RTTN: variants seen among roughly 807,000 people sequenced by gnomAD.
RTTN encodes the protein rotatin.
In RTTN, 182 loss-of-function variants were observed where a neutral mutation model predicts 269.2. The ratio of observed to expected loss-of-function variants is 0.68; its 90% confidence interval spans 0.60 to 0.76. The LOEUF is 0.76. RTTN is among the 30% of genes least tolerant of loss of function. RTTN has a pLI of 0.00. For synonymous variants in RTTN, 1,006 were observed against 963.5 expected (o/e 1.04, Z -0.82); for missense variants, 2,545 against 2,608.6 (o/e 0.98, Z 0.53).
chr18:70,076,503 G>T (rs1238864010), intron 32 of RTTN, among the ~76,000 whole-genome samples: 2 of 151,986 alleles, frequency 1.3e-5, no homozygotes, highest in African/African-American at 4.8e-5. Context: ...GAATTCACAA[G>T]TTAAAGGCAC....
Position 70,196,621 on chromosome 18 carries a change from A to C in RTTN, c.721T>G (p.Phe241Val). 7.6e-7 allele frequency: 1 copy of C among 1,322,214 alleles called. No homozygotes were observed. The allele number at this position is 1,322,214 out of a possible 1,614,324, so 81.9% of individuals were successfully genotyped here. A position where few individuals can be genotyped will look rare whatever the true frequency, so the allele number is the denominator to read the frequency against. Residue 241 changes from phenylalanine (F) to valine (V), a missense_variant, in exon 7 of 49, where the codon TTT becomes GTT. Transcript: ENST00000640769. Reference protein sequence around the residue: ...QSLLSLLKLAFGDGKHRLALQ... With the variant: ...QSLLSLLKLAVGDGKHRLALQ... ...GCCAGGCGATGCTTTCCATCTCCAA[A>C]GGCCAGTTTCAACAGAGATAAAAGG...
At chr18:70,192,793 T>TA (rs761789832) in intron 8 of RTTN, among the ~76,000 whole-genome samples, 5 of 152,310 alleles carry the variant, frequency 3.3e-5, no homozygotes, top group African/African-American at 4.8e-5. Context: ...AGTAAACACT[T>TA]ATCCATTTGT....
intron 14 of RTTN, among the ~76,000 whole-genome samples, chr18:70,151,194 A>G (rs1187501081): frequency 1.4e-5 from 2 of 148,030 alleles, no homozygotes; most frequent in African/African-American, 4.9e-5. Context: ...TACATATTTT[A>G]TATATAATAT....
intron 14 of RTTN, among the ~76,000 whole-genome samples, chr18:70,165,735 C>T (rs2060967683): frequency 6.6e-6 from 1 of 150,766 alleles, no homozygotes; most frequent in Non-Finnish European, 1.5e-5. Flanking sequence ...AAATCTAGGC[C>T]ACAACAACCT....
intron 27 of RTTN, among the ~76,000 whole-genome samples, 171 bp downstream of exon 27, chr18:70,114,274 T>C (rs2059547480): frequency 6.6e-6 from 1 of 152,152 alleles, no homozygotes; most frequent in African/African-American, 2.4e-5. Flanking sequence ...AATCAGGCTG[T>C]AACAGATTAA....
At chr18:70,196,743 A>G in intron 6 of RTTN, 95 bp from the exon 7 acceptor site, 1 of 1,226,272 alleles carries the variant, frequency 8.2e-7, no homozygotes, top group Non-Finnish European at 1.2e-6. Context: ...CTAAGTGAAT[A>G]ATCAAGAGAA....
At chr18:70,036,514 A>T (rs2057176063) in intron 40 of RTTN, among the ~76,000 whole-genome samples, 1 of 152,174 alleles carries the variant, frequency 6.6e-6, no homozygotes, top group South Asian at 2.1e-4. Flanking sequence ...GGACACAAAG[A>T]GGGGAACAAT....
At position 70,004,253 on chromosome 18, in the gene RTTN, A is replaced by C. The variant is rs777881942; in HGVS notation, c.6596-17T>G. 8.9e-6 allele frequency: 14 copies of C among 1,577,522 alleles called. No individual in the cohort carries two copies. In the African/African-American group the frequency reaches 1.8e-4, roughly 20 times the overall value. On this transcript the variant is annotated splice_polypyrimidine_tract_variant and intron_variant, in intron 48 of 48. Coordinates refer to ENST00000640769, the MANE Select transcript of RTTN (RefSeq NM_173630.4). ...TTGGGAAAGCTGAGATAGAAAAATA[A>C]GAGTACAGAAATACTAGTTTATGAA...
chr18:70,063,337 T>C (rs573325701), intron 35 of RTTN, among the ~76,000 whole-genome samples: 20 of 152,346 alleles, frequency 1.3e-4, no homozygotes, highest in African/African-American at 4.8e-4. Flanking sequence ...ATAATATTTT[T>C]CCAAAGATAA....
At chr18:70,153,065 T>C (rs986225346) in intron 14 of RTTN, among the ~76,000 whole-genome samples, 1 of 152,098 alleles carries the variant, frequency 6.6e-6, no homozygotes, top group Non-Finnish European at 1.5e-5. Flanking sequence ...AAGCAGAGGC[T>C]TTTCACCTGT....
At position 70,075,492 on chromosome 18, in the gene RTTN, G is replaced by C. The variant is rs908402961; in HGVS notation, c.4424C>G (p.Pro1475Arg). 1.2e-6 allele frequency: 2 copies of C among 1,601,684 alleles called. No homozygotes were observed. ...EDSGLSLIGKPALQALLYHCH... is the reference protein window; with the variant it reads ...EDSGLSLIGKRALQALLYHCH... ...GTGATATAAAAGAGCCTGAAGGGCA[G>C]GTTTTCCAATGAGCGATAGGCCAGA... Residue 1475 changes from proline (P) to arginine (R), a missense_variant, in exon 33 of 49, where the codon CCT becomes CGT. By Grantham distance (103) the Pro-to-Arg change is moderately radical. Coordinates refer to ENST00000640769, the MANE Select transcript of RTTN (RefSeq NM_173630.4).
intron 40 of RTTN, among the ~76,000 whole-genome samples, chr18:70,038,383 A>G (rs2057239928): frequency 6.6e-6 from 1 of 152,198 alleles, no homozygotes; most frequent in Non-Finnish European, 1.5e-5. Context: ...ATATCACCAC[A>G]TCCCCAGTTC....
intron 5 of RTTN, 137 bp downstream of exon 5, chr18:70,199,276 AT>A (rs2061891182): frequency 2.2e-6 from 1 of 448,176 alleles, no homozygotes; most frequent in Non-Finnish European, 3.8e-6. Context: ...TTTTTGAAAA[AT>A]AAAAATCATT....
intron 28 of RTTN, among the ~76,000 whole-genome samples, chr18:70,104,935 C>T (rs1348594128): frequency 6.6e-6 from 1 of 152,220 alleles, no homozygotes; most frequent in Non-Finnish European, 1.5e-5. Context: ...AGTTAGGCTA[C>T]TCGGGGGTTG....
chr18:70,069,876 AT>A (rs1438380747), intron 34 of RTTN, among the ~76,000 whole-genome samples: 1 of 152,198 alleles, frequency 6.6e-6, no homozygotes, highest in Non-Finnish European at 1.5e-5. Context: ...AAAATATAAG[AT>A]ATGAAGGGTT....
At chr18:70,010,593 T>C (rs2056339826) in intron 46 of RTTN, among the ~76,000 whole-genome samples, 2 of 152,298 alleles carry the variant, frequency 1.3e-5, no homozygotes, top group African/African-American at 2.4e-5. Context: ...AAGCAGTGTT[T>C]AGAGGGAAAT....
rs1228368331 is a variant in RTTN, at chr18:70,005,211, GGAGTA to G, written c.6577_6581del (p.Tyr2193LeufsTer23). 6.2e-7 allele frequency: 1 copy of G among 1,611,206 alleles called. No homozygotes were observed. The highest frequency in any genetic ancestry group is 1.1e-5 in the South Asian group (1 of 90,728). On this transcript the variant is annotated frameshift_variant, in exon 48 of 49. Transcript: ENST00000640769. LOFTEE classifies it high-confidence loss of function. The stretch of plus-strand genomic sequence containing the variant: ...ATTGCAACTTACTTTTCTTTGCTAA[GGAGTA>G]TGCTTCATCCACTCTTCTTTTTACT...
rs1405843191 is a variant in RTTN, at chr18:70,127,674, C to G, written c.3211G>C (p.Gly1071Arg). 6.2e-7 allele frequency: 1 copy of G among 1,613,378 alleles called. No homozygotes were observed. The highest frequency in any genetic ancestry group is 8.5e-7 in the Non-Finnish European group (1 of 1,179,674). The stretch of plus-strand genomic sequence containing the variant: ...ATGGAATGGAGGCAGTCCTGCAGCC[C>G]ACTAGCCATGTGTGTTATCTTCAGA... ...LTLKITHMASGLQDCLHSIVQ... is the reference protein window; with the variant it reads ...LTLKITHMASRLQDCLHSIVQ... Residue 1071 changes from glycine (G) to arginine (R), a missense_variant, in exon 25 of 49, where the codon GGG becomes CGG. Gly to Arg is a moderately radical substitution (Grantham distance 125). Coordinates refer to ENST00000640769, the MANE Select transcript of RTTN (RefSeq NM_173630.4).
intron 40 of RTTN, among the ~76,000 whole-genome samples, chr18:70,039,024 C>A (rs1013124729): frequency 2.0e-5 from 3 of 151,976 alleles, no homozygotes; most frequent in African/African-American, 7.3e-5. Flanking sequence ...TTTGAAAACA[C>A]AGAGTCAGGG....
Sources: gnomAD v4.1 joint callset for allele counts (sites outside exome capture counted in the v4.1 genomes callset) on GRCh38, gnomAD v4.1.1 for gene constraint, MANE v1.5 for transcripts, NCBI Gene and HGNC (gene_info 2026-07-23, HGNC 2026-07-21) for gene names.